MGAT5: variants seen among roughly 807,000 people sequenced by gnomAD.
The protein encoded by MGAT5 is alpha-1,6-mannosylglycoprotein 6-beta-N-acetylglucosaminyltransferase.
Under a neutral mutation model 94.3 loss-of-function variants are expected in MGAT5, and 30 were observed. That is an observed-to-expected ratio of 0.32 (90% confidence interval 0.24 to 0.43). MGAT5 has a LOEUF of 0.43. MGAT5 is among the 20% of genes least tolerant of loss of function. The pLI, the probability that MGAT5 is intolerant of heterozygous loss-of-function variation, is 1.00. For synonymous variants in MGAT5, 310 were observed against 322.9 expected, an observed-to-expected ratio of 0.96 and a Z score of 0.43; for missense variants, 691 against 905.5, an observed-to-expected ratio of 0.76 and a Z score of 3.04.
intron 12 of MGAT5, among the ~76,000 whole-genome samples, chr2:134,418,703 C>T (rs944762003): frequency 6.6e-6 from 1 of 152,114 alleles, no homozygotes; most frequent in East Asian, 1.9e-4. Flanking sequence ...GGGTTAGCTG[C>T]GAAGGGGATA....
At chr2:134,417,489 C>A (rs924109683) in intron 12 of MGAT5, among the ~76,000 whole-genome samples, 4 of 152,106 alleles carry the variant, frequency 2.6e-5, no homozygotes, top group Admixed American at 2.6e-4. Context: ...TGACCTTAAC[C>A]ACTTTTAAGG....
chr2:134,376,822 G>A (rs924963300), intron 10 of MGAT5, among the ~76,000 whole-genome samples: 3 of 152,138 alleles, frequency 2.0e-5, no homozygotes, highest in East Asian at 1.9e-4. Context: ...TCCAAGGATA[G>A]GCCCCCTGAA....
chr2:134,314,399 C>G (rs1452201112), intron 2 of MGAT5, among the ~76,000 whole-genome samples: 1 of 152,190 alleles, frequency 6.6e-6, no homozygotes, highest in African/African-American at 2.4e-5. Context: ...TCTGCTCAGT[C>G]TAGTTCTCCC....
chr2:134,425,136 T>A (rs554134139), intron 13 of MGAT5, among the ~76,000 whole-genome samples: 1 of 152,122 alleles, frequency 6.6e-6, no homozygotes, highest in Non-Finnish European at 1.5e-5. Context: ...TACATTATAA[T>A]CAAACTGCTG....
At chr2:134,339,703 G>A (rs1688524289) in intron 6 of MGAT5, among the ~76,000 whole-genome samples, 1 of 151,848 alleles carries the variant, frequency 6.6e-6, no homozygotes, top group Non-Finnish European at 1.5e-5. Flanking sequence ...ATTTGATGCT[G>A]GAATCATTTT....
chr2:134,194,662 G>A (rs1679411086), intron 1 of MGAT5, among the ~76,000 whole-genome samples: 2 of 152,064 alleles, frequency 1.3e-5, no homozygotes, highest in Admixed American at 6.6e-5. Context: ...CCTCCCCCGG[G>A]AGGTCTAGAT....
chr2:134,333,597 A>T (rs540794531), intron 4 of MGAT5, among the ~76,000 whole-genome samples: 85 of 148,264 alleles, frequency 5.7e-4, no homozygotes, highest in African/African-American at 1.9e-3. Flanking sequence ...TAATAAAAAT[A>T]AAAAAAAAGA....
intron 1 of MGAT5, among the ~76,000 whole-genome samples, chr2:134,120,534 C>G (rs1685519145): frequency 1.3e-5 from 2 of 151,856 alleles, no homozygotes; most frequent in Admixed American, 1.3e-4. Context: ...GAGAAGCCCA[C>G]CTGCCCCGGG....
At chr2:134,126,681 A>AT (rs1278976336) in intron 1 of MGAT5, among the ~76,000 whole-genome samples, 3 of 152,180 alleles carry the variant, frequency 2.0e-5, no homozygotes, top group Admixed American at 6.5e-5. Flanking sequence ...TAGTGAAGCT[A>AT]TTTTTTCCCT....
At chr2:134,198,170 T>C (rs1679591565) in intron 1 of MGAT5, among the ~76,000 whole-genome samples, 1 of 152,214 alleles carries the variant, frequency 6.6e-6, no homozygotes, top group South Asian at 2.1e-4. Context: ...TTCTGGTTCT[T>C]CATATTGAAA....
chr2:134,276,609 G>T (rs184294872), intron 2 of MGAT5, among the ~76,000 whole-genome samples: 1 of 152,248 alleles, frequency 6.6e-6, no homozygotes, highest in African/African-American at 2.4e-5. Flanking sequence ...AGAGTTAATT[G>T]GGATTTGTGA....
intron 2 of MGAT5, among the ~76,000 whole-genome samples, chr2:134,288,405 T>TG (rs1685142794): frequency 1.3e-5 from 2 of 152,188 alleles, no homozygotes; most frequent in African/African-American, 4.8e-5. Context: ...CCTTTGTTGA[T>TG]GTGTTGCCGT....
At chr2:134,318,083 T>C (rs979093959) in intron 3 of MGAT5, among the ~76,000 whole-genome samples, 3 of 152,152 alleles carry the variant, frequency 2.0e-5, no homozygotes, top group African/African-American at 7.2e-5. Context: ...TGCTTTTTTT[T>C]CCAGAAATCC....
At chr2:134,358,566 G>C (rs563751135) in intron 9 of MGAT5, among the ~76,000 whole-genome samples, 3 of 152,304 alleles carry the variant, frequency 2.0e-5, no homozygotes, top group African/African-American at 7.2e-5. Flanking sequence ...TACACCGACT[G>C]TGAGGGCTAA....
chr2:134,448,849 A>T lies in MGAT5; in HGVS notation c.*2A>T. The T allele has an allele frequency of 1.2e-6, 2 of 1,612,368 alleles. No homozygotes were observed. Among genetic ancestry groups the T allele is most frequent in the East Asian group, 2.2e-5 (1 of 44,866 alleles). On this transcript the variant is annotated 3_prime_UTR_variant, in exon 16 of 16. Transcript: ENST00000281923. Reference sequence around the variant, plus strand: ...GCTCTCTGCAAAGACTGCCTATAGCAGCTACCTGCTCAGCCCTGCACCATG... The same window carrying T: ...GCTCTCTGCAAAGACTGCCTATAGCTGCTACCTGCTCAGCCCTGCACCATG...
At chr2:134,359,655 GA>G (rs1316041535) in intron 9 of MGAT5, among the ~76,000 whole-genome samples, 1 of 152,112 alleles carries the variant, frequency 6.6e-6, no homozygotes, top group African/African-American at 2.4e-5. Flanking sequence ...CCTTCTCTTT[GA>G]AACCCTCCCA....
intron 5 of MGAT5, 102 bp downstream of exon 5, chr2:134,336,390 G>C: frequency 1.0e-6 from 1 of 953,578 alleles, no homozygotes; most frequent in Non-Finnish European, 1.6e-6. Flanking sequence ...ACCTGAAATA[G>C]TGTTACACTG....
At chr2:134,315,483 C>G (rs1686946369) in intron 2 of MGAT5, among the ~76,000 whole-genome samples, 1 of 152,210 alleles carries the variant, frequency 6.6e-6, no homozygotes, top group Non-Finnish European at 1.5e-5. Context: ...TTTAGGGCTT[C>G]TGGAGCTGGC....
chr2:134,189,602 G>GTTTTGTTTTGTTTTGT (rs1553490380), intron 1 of MGAT5, among the ~76,000 whole-genome samples: 9,770 of 84,746 alleles, frequency 0.12, 887 homozygotes, highest in Admixed American at 0.22. Flanking sequence ...GTTTTTTTTT[G>GTTTTGTTTTGTTTTGT]TTTTTTTTTT....
Sources: gnomAD v4.1 joint callset for allele counts (sites outside exome capture counted in the v4.1 genomes callset) on GRCh38, gnomAD v4.1.1 for gene constraint, MANE v1.5 for transcripts, NCBI Gene and HGNC (gene_info 2026-07-23, HGNC 2026-07-21) for gene names.